The following FZR1 variants were observed in gnomAD, a reference collection of about 807,000 sequenced individuals.
FZR1 encodes the protein fizzy-related protein homolog.
Under a neutral mutation model 63.6 loss-of-function variants are expected in FZR1, and 11 were observed. The observed-to-expected ratio is 0.17, with a 90% confidence interval of 0.11 to 0.29. The LOEUF is 0.29. Ranked by LOEUF, FZR1 falls within the 10% of genes least tolerant of loss-of-function variation. The pLI, the probability that FZR1 is intolerant of heterozygous loss-of-function variation, is 1.00. For missense variants in FZR1, 440 were observed against 687.5 expected (o/e 0.64, Z 4.03); for synonymous variants, 328 against 297.9 (o/e 1.10, Z -1.04).
chr19:3,527,648 C>G lies in FZR1; in HGVS notation c.488C>G (p.Ser163Cys). 2 of 1,607,892 alleles carry G rather than the reference C, an allele frequency of 1.2e-6. No individual in the cohort carries two copies. The highest frequency in any genetic ancestry group is 1.7e-6 in the Non-Finnish European group (2 of 1,178,194). Reference sequence around the variant, plus strand: ...CTCTGCAGCCAGAAGCTGCTCCGGTCCCCCCGGAAACCCACCCGCAAGATC... The same window carrying G: ...CTCTGCAGCCAGAAGCTGCTCCGGTGCCCCCGGAAACCCACCCGCAAGATC... Reference protein sequence around the residue: ...VSNKSQKLLRSPRKPTRKISK... With the variant: ...VSNKSQKLLRCPRKPTRKISK... The change falls in exon 7 of 14, where the codon TCC (serine) becomes TGC (cysteine). Residue 163 changes from serine to cysteine, a missense_variant. Transcript: ENST00000441788.
At chr19:3,523,666 T>A (rs1384689160) in intron 2 of FZR1, among the ~76,000 whole-genome samples, 7 of 152,238 alleles carry the variant, frequency 4.6e-5, no homozygotes, top group Non-Finnish European at 8.8e-5. Context: ...CACCAGTCCC[T>A]GCCCTGTGAT....
In FZR1 at chr19:3,508,931, G is replaced by A. The variant is rs565210062; in HGVS notation, c.-35+2457G>A. 2.6e-5 allele frequency among the ~76,000 whole-genome samples: 4 copies of A among 152,246 alleles called. No homozygotes were observed. In the South Asian group the frequency reaches 6.2e-4, roughly 24 times the overall value. On this transcript the variant is annotated intron_variant, in intron 1 of 13. Coordinates refer to ENST00000441788, the MANE Select transcript of FZR1 (RefSeq NM_016263.4). ...CCTGCCTGGTCCCCGCTCCGCCTCC[G>A]GCCTGCTCAGTGCCCTGGGCTGTGT...
At chr19:3,510,736 C>T (rs532235899) in intron 1 of FZR1, among the ~76,000 whole-genome samples, 11 of 152,306 alleles carry the variant, frequency 7.2e-5, no homozygotes, top group Admixed American at 7.2e-4. Flanking sequence ...CAGGATCCCC[C>T]TCATCCATGC....
rs904897648 is a variant in FZR1 at position 3,531,313 on chromosome 19, C to T, written c.721-401C>T. Among the ~76,000 whole-genome samples, 13 of 152,274 alleles carry T rather than the reference C, an allele frequency of 8.5e-5. No homozygotes were observed. The East Asian group carries it at 1.2e-3, about 14-fold the overall frequency. ...ACCGCTCACTGTGTCCAGGCGTGTG[C>T]GCTCACCCTCCCTCCATCCATCTTA... On this transcript the variant is annotated intron_variant, in intron 8 of 13. Coordinates refer to ENST00000441788, the MANE Select transcript of FZR1 (RefSeq NM_016263.4).
intron 1 of FZR1, among the ~76,000 whole-genome samples, chr19:3,521,073 G>A (rs145936941): frequency 1.4e-4 from 22 of 152,324 alleles, no homozygotes; most frequent in African/African-American, 3.6e-4. Context: ...GTGTTCTGGC[G>A]TGTGGAGGGC....
chr19:3,517,119 G>A (rs2083064050), intron 1 of FZR1, among the ~76,000 whole-genome samples: 1 of 152,250 alleles, frequency 6.6e-6, no homozygotes, highest in South Asian at 2.1e-4. Flanking sequence ...GCTGGGCGCG[G>A]TGGCTCACAC....
chr19:3,511,280 G>A (rs924639257), intron 1 of FZR1, among the ~76,000 whole-genome samples: 6 of 152,242 alleles, frequency 3.9e-5, no homozygotes, highest in Non-Finnish European at 7.3e-5. Context: ...ATTTGGAAGT[G>A]TGGAGAGCAG....
Position 3,526,429 on chromosome 19 carries a change from C to T in FZR1, c.387+43C>T, listed in dbSNP as rs1599784081. The T allele has an allele frequency of 6.7e-7, 1 of 1,499,790 alleles. No individual in the cohort carries two copies. The highest frequency in any genetic ancestry group is 1.2e-5 in the South Asian group (1 of 82,594). 92.9% of individuals were successfully genotyped at this position (1,499,790 alleles called of 1,614,324 possible). A position where few individuals can be genotyped will look rare whatever the true frequency, so the allele number is the denominator to read the frequency against. ...CCCACCCGGGAGCTGGCTCCCAGTG[C>T]AGCCTCCCCGGCCCCCCACCTCCCA... On this transcript the variant is annotated intron_variant, in intron 5 of 13. Coordinates refer to ENST00000441788, the MANE Select transcript of FZR1 (RefSeq NM_016263.4). The surrounding 1 kb of genome is among the most constrained non-coding windows in gnomAD (Gnocchi z 5.4).
chr19:3,531,577 G>T, intron 8 of FZR1, 137 bp from the exon 9 acceptor site: 1 of 625,742 alleles, frequency 1.6e-6, no homozygotes, highest in South Asian at 2.0e-5. Flanking sequence ...CTTCCGAAGG[G>T]ACGTGCATTC....
rs980074962 is a variant in FZR1 at position 3,526,392 on chromosome 19, C to A, written c.387+6C>A. On this transcript the variant is annotated splice_donor_region_variant and intron_variant, in intron 5 of 13. Coordinates refer to ENST00000441788, the MANE Select transcript of FZR1 (RefSeq NM_016263.4). This position sits in a 1 kb window ranked among gnomAD's most constrained non-coding sequence, Gnocchi z 5.4. ...AGAAGAAGGGTCTGTTCACGGTAAG[C>A]CTGCGGCACCCCCCACCCGGGAGCT... 6.4e-7 allele frequency: 1 copy of A among 1,564,938 alleles called. No homozygotes were observed. The highest frequency in any genetic ancestry group is 8.7e-7 in the Non-Finnish European group (1 of 1,154,536).
Position 3,526,022 on chromosome 19 carries a change from A to T in FZR1, c.195+29A>T. ...AGGGGCTGGCTGGGCAGGAGATGGG[A>T]CCCCCCGGGAAGCCCAGGGCCCCTC... On this transcript the variant is annotated intron_variant, in intron 3 of 13. Coordinates refer to ENST00000441788, the MANE Select transcript of FZR1 (RefSeq NM_016263.4). The surrounding 1 kb of genome is among the most constrained non-coding windows in gnomAD (Gnocchi z 5.4). The T allele has an allele frequency of 3.1e-6, 5 of 1,610,646 alleles. No homozygotes were observed. The highest frequency in any genetic ancestry group is 4.2e-6 in the Non-Finnish European group (5 of 1,179,088).
At position 3,525,942 on chromosome 19, in the gene FZR1, C is replaced by T; in HGVS notation, c.144C>T (p.Phe48=). The T allele has an allele frequency of 6.2e-7, 1 of 1,612,564 alleles. No homozygotes were observed. Among genetic ancestry groups the T allele is most frequent in the Non-Finnish European group, 8.5e-7 (1 of 1,179,914 alleles). The stretch of plus-strand genomic sequence containing the variant: ...CGCCCAGCAAGCACGGAGACCGCTT[C>T]ATCCCCTCCAGAGCCGGAGCCAACT... ...VSSPSKHGDR[F]IPSRAGANWS... is the part of the protein sequence containing the mutation. Residue 48 remains phenylalanine (F), a synonymous_variant, in exon 3 of 14, where the codon TTC becomes TTT. Transcript: ENST00000441788. The surrounding 1 kb of genome is among the most constrained non-coding windows in gnomAD (Gnocchi z 4.2).
intron 13 of FZR1, 21 bp downstream of exon 13, chr19:3,534,534 C>A: frequency 6.7e-7 from 1 of 1,492,738 alleles, no homozygotes; most frequent in Admixed American, 1.8e-5. Context: ...TCGGTATCAG[C>A]GCCACTCGCC....
chr19:3,531,888 C>T (rs1370768403), intron 9 of FZR1, 23 bp from the exon 10 acceptor site: 3 of 1,579,764 alleles, frequency 1.9e-6, no homozygotes, highest in Non-Finnish European at 1.7e-6. Context: ...AGAGGCTCAC[C>T]CCCGCTTCCA....
At chr19:3,527,259 C>A (rs1266919673) in intron 6 of FZR1, among the ~76,000 whole-genome samples, 197 bp downstream of exon 6, 2 of 152,188 alleles carry the variant, frequency 1.3e-5, no homozygotes, top group Non-Finnish European at 2.9e-5. Flanking sequence ...GGCCCCAGCC[C>A]CCCATGAGGC....
intron 7 of FZR1, among the ~76,000 whole-genome samples, chr19:3,528,590 C>T (rs923764206): frequency 2.6e-5 from 4 of 151,994 alleles, no homozygotes; most frequent in East Asian, 3.9e-4. Context: ...ACCAACCCAG[C>T]GACCCCATGG....
chr19:3,510,878 G>A (rs79685464), intron 1 of FZR1, among the ~76,000 whole-genome samples: 3,279 of 152,352 alleles, frequency 0.022, 117 homozygotes, highest in African/African-American at 0.073. Context: ...GCGCCCCGCA[G>A]AGCCCAGGAC....
At chr19:3,513,539 G>T (rs2083038260) in intron 1 of FZR1, among the ~76,000 whole-genome samples, 1 of 152,166 alleles carries the variant, frequency 6.6e-6, no homozygotes, top group Non-Finnish European at 1.5e-5. Flanking sequence ...AGATGCAATG[G>T]CGCCTGCCCA....
At chr19:3,508,998 C>T (rs1339602514) in intron 1 of FZR1, among the ~76,000 whole-genome samples, 1 of 152,210 alleles carries the variant, frequency 6.6e-6, no homozygotes, top group East Asian at 1.9e-4. Context: ...GCCACAGGGA[C>T]CTGGGCACCT....
Sources: allele counts gnomAD v4.1 joint callset (sites outside exome capture counted in the v4.1 genomes callset), GRCh38; gene constraint gnomAD v4.1.1; non-coding constraint Gnocchi (gnomAD v3.1); transcripts MANE v1.5; gene names NCBI Gene and HGNC (gene_info 2026-07-23, HGNC 2026-07-21).